Variants in ZCCHC17 observed in about 807,000 individuals in gnomAD.
ZCCHC17 encodes the protein zinc finger CCHC domain-containing protein 17.
A neutral mutation model predicts 30.6 loss-of-function variants in ZCCHC17; 18 were observed. That is an observed-to-expected ratio of 0.59 (90% CI 0.41 to 0.87). ZCCHC17 has a LOEUF of 0.87. ZCCHC17 is among the 40% of genes least tolerant of loss of function. ZCCHC17 has a pLI of 0.00. For synonymous variants in ZCCHC17, 88 were observed against 92.4 expected (o/e 0.95, Z 0.27); for missense variants, 263 against 284.2 (o/e 0.93, Z 0.54).
intron 1 of ZCCHC17, chr1:31,297,341 C>T (rs549467403): frequency 5.1e-6 from 2 of 395,554 alleles, no homozygotes; most frequent in South Asian, 1.4e-4. Flanking sequence ...CCGGGCATTC[C>T]CAGGGAGAAA....
chr1:31,358,894 G>A (rs573790572), intron 7 of ZCCHC17, among the ~76,000 whole-genome samples: 7 of 152,234 alleles, frequency 4.6e-5, no homozygotes, highest in Admixed American at 1.3e-4. Flanking sequence ...ATATAGGGAA[G>A]AGACTGAGCC....
chr1:31,336,097 G>T (rs1044309951), intron 3 of ZCCHC17, among the ~76,000 whole-genome samples: 8 of 151,912 alleles, frequency 5.3e-5, no homozygotes, highest in South Asian at 4.2e-4. Flanking sequence ...TGTGAGATGG[G>T]GGTCTTGCTC....
chr1:31,337,994 G>A (rs1638887257), intron 4 of ZCCHC17, among the ~76,000 whole-genome samples: 1 of 152,090 alleles, frequency 6.6e-6, no homozygotes, highest in Admixed American at 6.5e-5. Context: ...TTTTGAGACA[G>A]GGTCTCTCTT....
At chr1:31,361,243 C>T (rs962594140) in intron 7 of ZCCHC17, among the ~76,000 whole-genome samples, 7 of 152,166 alleles carry the variant, frequency 4.6e-5, no homozygotes, top group African/African-American at 7.2e-5. Context: ...ATTGGAGATG[C>T]CAAGGAAGAA....
chr1:31,304,303 C>T (rs991855077), intron 1 of ZCCHC17, among the ~76,000 whole-genome samples: 2 of 149,638 alleles, frequency 1.3e-5, no homozygotes, highest in Non-Finnish European at 1.5e-5. Flanking sequence ...GACAGAGTCT[C>T]TGTTGCCCAG....
chr1:31,359,841 G>T (rs1569942673), intron 7 of ZCCHC17, among the ~76,000 whole-genome samples: 2 of 152,072 alleles, frequency 1.3e-5, no homozygotes, highest in Admixed American at 6.6e-5. Flanking sequence ...TCTGATACTT[G>T]AATCCATGTC....
At chr1:31,316,485 A>G (rs1646735651) in intron 2 of ZCCHC17, among the ~76,000 whole-genome samples, 1 of 152,226 alleles carries the variant, frequency 6.6e-6, no homozygotes, top group South Asian at 2.1e-4. Flanking sequence ...CCCTCTTTCT[A>G]GAACTGTGGA....
intron 3 of ZCCHC17, among the ~76,000 whole-genome samples, chr1:31,325,869 C>G (rs934002853): frequency 6.6e-6 from 1 of 152,024 alleles, no homozygotes; most frequent in Admixed American, 6.6e-5. Context: ...GTGACACCAT[C>G]TTTACAAAAA....
Position 31,310,183 on chromosome 1 carries a change from T to G in ZCCHC17, c.66+19T>G. 6.2e-7 allele frequency: 1 copy of G among 1,612,590 alleles called. No individual in the cohort carries two copies. On this transcript the variant is annotated intron_variant, in intron 2 of 7. Transcript: ENST00000344147. ...AGGAGAGGTATATTCTTTTGTGCTT[T>G]GAAAACCCACCATTTATGTTAAAAT...
intron 1 of ZCCHC17, among the ~76,000 whole-genome samples, chr1:31,300,452 G>A (rs1646283024): frequency 6.6e-6 from 1 of 151,954 alleles, no homozygotes; most frequent in East Asian, 1.9e-4. Context: ...GCCAAAGTCT[G>A]TTATTGCAAT....
rs3766293 is a variant in ZCCHC17, at chr1:31,364,349, G to T, written c.*156G>T. ...TCCCCTCATGCAACAGGCAGGTTTGGGAGTTAGAGGTCAAAAGCAGCTGCC... is the reference window on the plus strand; with the variant it reads ...TCCCCTCATGCAACAGGCAGGTTTGTGAGTTAGAGGTCAAAAGCAGCTGCC... On this transcript the variant is annotated 3_prime_UTR_variant, in exon 8 of 8. Transcript: ENST00000344147. 6,651 of 1,343,978 alleles carry T rather than the reference G, an allele frequency of 4.9e-3. 423 individuals carry two copies. In the East Asian group the frequency reaches 0.14, roughly 28 times the overall value. 83.3% of individuals were successfully genotyped at this position (1,343,978 alleles called of 1,614,324 possible).
intron 7 of ZCCHC17, among the ~76,000 whole-genome samples, chr1:31,358,068 C>T (rs1273848236): frequency 6.6e-6 from 1 of 152,196 alleles, no homozygotes; most frequent in Non-Finnish European, 1.5e-5. Flanking sequence ...CCAGGCCTTT[C>T]TCATAAAGTG....
chr1:31,342,360 A>G (rs1385768791), intron 5 of ZCCHC17, among the ~76,000 whole-genome samples: 1 of 152,174 alleles, frequency 6.6e-6, no homozygotes, highest in Non-Finnish European at 1.5e-5. Flanking sequence ...TAGTACTTTC[A>G]TTTACTCATT....
intron 1 of ZCCHC17, among the ~76,000 whole-genome samples, chr1:31,302,267 T>C (rs899213843): frequency 6.6e-6 from 1 of 151,808 alleles, no homozygotes; most frequent in Non-Finnish European, 1.5e-5. Context: ...TGTTGATCTG[T>C]CCAACATATT....
chr1:31,318,192 A>G (rs535820809), intron 2 of ZCCHC17: 32 of 1,535,378 alleles, frequency 2.1e-5, no homozygotes, highest in Non-Finnish European at 2.6e-5. Context: ...AACAGTGCTC[A>G]AGATGAAGCA....
chr1:31,309,950 GTAT>G (rs1470308527), intron 1 of ZCCHC17, 91 bp from the exon 2 acceptor site: 3 of 672,364 alleles, frequency 4.5e-6, no homozygotes, highest in African/African-American at 3.6e-5. Flanking sequence ...AAATCTAGTG[GTAT>G]TATTCTGTAG....
At chr1:31,339,259 G>A (rs1638940995) in intron 5 of ZCCHC17, among the ~76,000 whole-genome samples, 1 of 152,228 alleles carries the variant, frequency 6.6e-6, no homozygotes, top group Non-Finnish European at 1.5e-5. Flanking sequence ...ACTTTGGGAA[G>A]CCGAGGTGGG....
At chr1:31,328,372 CATG>C (rs1176690147) in intron 3 of ZCCHC17, among the ~76,000 whole-genome samples, 3 of 151,758 alleles carry the variant, frequency 2.0e-5, no homozygotes, top group Non-Finnish European at 4.4e-5. Flanking sequence ...ATTTACTGGT[CATG>C]GTGGTGTGTG....
At chr1:31,332,501 ATTAT>A (rs1359258349) in intron 3 of ZCCHC17, among the ~76,000 whole-genome samples, 1 of 151,916 alleles carries the variant, frequency 6.6e-6, no homozygotes, top group Non-Finnish European at 1.5e-5. Flanking sequence ...TAGTGTATAT[ATTAT>A]TTAATTATAA....
Sources: gnomAD v4.1 joint callset for allele counts (sites outside exome capture counted in the v4.1 genomes callset) on GRCh38, gnomAD v4.1.1 for gene constraint, MANE v1.5 for transcripts, NCBI Gene and HGNC (gene_info 2026-07-23, HGNC 2026-07-21) for gene names.